Variants in MIER1 observed in about 807,000 individuals in gnomAD.
MIER1 encodes the protein MIER1 transcriptional regulator, also known as mesoderm induction early response protein 1.
A neutral mutation model predicts 75.7 loss-of-function variants in MIER1; 40 were observed. The observed-to-expected ratio is 0.53, with a 90% CI of 0.41 to 0.69. MIER1 has a LOEUF of 0.69. MIER1 is among the 30% of genes least tolerant of loss of function. MIER1 has a pLI of 0.00. For synonymous variants in MIER1, 213 were observed against 223.4 expected (o/e 0.95, Z 0.42); for missense variants, 574 against 680.2 (o/e 0.84, Z 1.74).
chr1:66,949,263 TTA>T (rs1658374914), intron 4 of MIER1, among the ~76,000 whole-genome samples: 4 of 152,166 alleles, frequency 2.6e-5, no homozygotes, highest in Non-Finnish European at 5.9e-5. Context: ...TATGAGTTAG[TTA>T]TTTTTTTTCT....
rs1469975759 is a variant in MIER1 at position 66,988,043 on chromosome 1, A to G, written c.*3143A>G. 1 of 152,304 alleles carries G rather than the reference A, an allele frequency of 6.6e-6. No homozygotes were observed. The highest frequency in any genetic ancestry group is 2.4e-5 in the African/African-American group (1 of 41,452). 9.4% of individuals were successfully genotyped at this position (152,304 alleles called of 1,614,324 possible). On this transcript the variant is annotated 3_prime_UTR_variant, in exon 14 of 14. Transcript: ENST00000401041. ...GTTTTGTCACAATATTTTCTTTGCT[A>G]TCGATGGATAATTAGGAGTGGGCAC...
chr1:66,950,418 T>C (rs2985828), intron 4 of MIER1, among the ~76,000 whole-genome samples: 144,729 of 152,298 alleles, frequency 0.95, 68,867 homozygotes, highest in East Asian at 1. Context: ...CATAGATACA[T>C]TTTTGTTTGC....
chr1:66,944,984 G>T (rs1291909858), intron 3 of MIER1, among the ~76,000 whole-genome samples: 2 of 151,898 alleles, frequency 1.3e-5, no homozygotes, highest in Non-Finnish European at 2.9e-5. Flanking sequence ...TCTTGGCCTC[G>T]TGAAGTGCTG....
In MIER1 at chr1:66,970,858, G is replaced by A; in HGVS notation, c.823G>A (p.Asp275Asn). 6.3e-7 allele frequency: 1 copy of A among 1,596,720 alleles called. No individual in the cohort carries two copies. The highest frequency in any genetic ancestry group is 8.5e-7 in the Non-Finnish European group (1 of 1,174,394). ...GTGGGACCCTGAGTACTTACCAGAA[G>A]ATAAAGTGATTATATTTCTTAAAGA... is the stretch of plus-strand genomic sequence containing the variant. The part of the protein sequence containing the change: ...LLWDPEYLPE[D>N]KVIIFLKDAS... The change falls in exon 9 of 14, where the codon GAT becomes AAT. Residue 275 changes from aspartate to asparagine, a missense_variant. Physicochemically the swap from Asp to Asn is conservative, Grantham distance 23. Around this residue, in one of 3 missense-constraint regions of MIER1, gnomAD observed 309 missense variants for 352.8 expected, o/e 0.88. Coordinates refer to ENST00000401041, the MANE Select transcript of MIER1 (RefSeq NM_001077700.3).
intron 4 of MIER1, among the ~76,000 whole-genome samples, chr1:66,950,738 C>A (rs1387414425): frequency 6.6e-6 from 1 of 151,568 alleles, no homozygotes; most frequent in Non-Finnish European, 1.5e-5. Context: ...AAAGAAATCT[C>A]AGTGTGAGGA....
chr1:66,940,009 TC>T lies in MIER1; in HGVS notation c.169-18del. On this transcript the variant is annotated intron_variant, in intron 2 of 13. Coordinates refer to ENST00000401041, the MANE Select transcript of MIER1 (RefSeq NM_001077700.3). ...ATTATACAGAAATACTAATTTTTCC[TC>T]TTTTCTCCCCTTCTCAGCCATCTGT... The T allele has an allele frequency of 6.3e-7, 1 of 1,596,544 alleles. No homozygotes were observed. Among genetic ancestry groups the T allele is most frequent in the South Asian group, 1.1e-5 (1 of 90,418 alleles).
At position 66,946,157 on chromosome 1, in the gene MIER1, A is replaced by G; in HGVS notation, c.201A>G (p.Ser67=). 6.2e-7 allele frequency: 1 copy of G among 1,606,734 alleles called. No homozygotes were observed. Among genetic ancestry groups the G allele is most frequent in the Non-Finnish European group, 8.5e-7 (1 of 1,178,310 alleles). ...PSVESSSPGG[S]ATSDDHEFDP... is the part of the protein sequence containing the mutation. ...TGAAATATTCCTTACCAGGAGGTTC[A>G]GCAACATCAGATGACCATGAATTTG... is the stretch of plus-strand genomic sequence containing the variant. The change falls in exon 4 of 14, where the codon TCA becomes TCG. Residue 67 remains serine, a synonymous_variant. Coordinates refer to ENST00000401041, the MANE Select transcript of MIER1 (RefSeq NM_001077700.3).
At chr1:66,982,129 C>T (rs1666018306) in intron 13 of MIER1, among the ~76,000 whole-genome samples, 1 of 152,208 alleles carries the variant, frequency 6.6e-6, no homozygotes, top group Admixed American at 6.5e-5. Context: ...ATAAAGCCTA[C>T]TGTCAACAGT....
chr1:66,960,226 T>C (rs144237586), intron 7 of MIER1: 30 of 152,304 alleles, frequency 2.0e-4, no homozygotes, highest in African/African-American at 7.0e-4. Context: ...AAATTTTGTT[T>C]AGTAGTTCAT....
intron 2 of MIER1, among the ~76,000 whole-genome samples, chr1:66,939,094 T>C (rs1371680591): frequency 6.6e-6 from 1 of 152,174 alleles, no homozygotes; most frequent in Non-Finnish European, 1.5e-5. Context: ...GCTTTTGGCC[T>C]CCCACCATCT....
At chr1:66,981,688 A>G (rs1665916091) in intron 12 of MIER1, 91 bp from the exon 13 acceptor site, 1 of 938,758 alleles carries the variant, frequency 1.1e-6, no homozygotes, top group Admixed American at 2.3e-5. Context: ...ATATTAGGAT[A>G]TATTTGTTAA....
At chr1:66,931,100 T>C (rs1192987770) in intron 2 of MIER1, among the ~76,000 whole-genome samples, 1 of 148,320 alleles carries the variant, frequency 6.7e-6, no homozygotes, top group Non-Finnish European at 1.5e-5. Context: ...TATTCTTGTC[T>C]TCTTTCTCTT....
At chr1:66,935,098 G>A (rs1654452412) in intron 2 of MIER1, among the ~76,000 whole-genome samples, 1 of 152,136 alleles carries the variant, frequency 6.6e-6, no homozygotes, top group Non-Finnish European at 1.5e-5. Context: ...ATTACTTCAT[G>A]TTTTTACTAT....
At chr1:66,938,668 T>G (rs919223427) in intron 2 of MIER1, among the ~76,000 whole-genome samples, 5 of 152,138 alleles carry the variant, frequency 3.3e-5, no homozygotes, top group Non-Finnish European at 7.4e-5. Flanking sequence ...AAGCTTCCCA[T>G]TAGAGGAATG....
rs1443914800 is a variant in MIER1, at chr1:66,987,213, C to T, written c.*2313C>T. ...TTTGTGTTTATACAGGTATTTCACA[C>T]AATAATTTGTTCTTAATGCAGCCAC... On this transcript the variant is annotated 3_prime_UTR_variant, in exon 14 of 14. Coordinates refer to ENST00000401041, the MANE Select transcript of MIER1 (RefSeq NM_001077700.3). 1 of 152,666 alleles carries T rather than the reference C, an allele frequency of 6.6e-6. No individual in the cohort carries two copies. The highest frequency in any genetic ancestry group is 1.5e-5 in the Non-Finnish European group (1 of 67,974). 9.5% of individuals were successfully genotyped at this position (152,666 alleles called of 1,614,324 possible). A position where few individuals can be genotyped will look rare whatever the true frequency, so the allele number is the denominator to read the frequency against.
chr1:66,930,450 C>T (rs1284534567), intron 2 of MIER1: 3 of 1,593,102 alleles, frequency 1.9e-6, no homozygotes, highest in African/African-American at 1.4e-5. Flanking sequence ...CGCCCCCGGC[C>T]CTGGGCCGGG....
intron 11 of MIER1, among the ~76,000 whole-genome samples, chr1:66,976,282 G>T (rs891966856): frequency 6.6e-6 from 1 of 152,104 alleles, no homozygotes; most frequent in African/African-American, 2.4e-5. Context: ...GATTACAGGC[G>T]TGAGCCACCG....
chr1:66,943,751 G>A (rs1165424268), intron 3 of MIER1, among the ~76,000 whole-genome samples: 1 of 152,102 alleles, frequency 6.6e-6, no homozygotes, highest in African/African-American at 2.4e-5. Context: ...CTTCTGAAAG[G>A]GCACAATGAT....
Position 66,985,235 on chromosome 1 carries a change from A to C in MIER1, c.*335A>C. On this transcript the variant is annotated 3_prime_UTR_variant, in exon 14 of 14. Transcript: ENST00000401041. ...AGATGTATCTGTACCTTCTCATTTG[A>C]TGTATTAATCATAAAATTTCACTAC... The C allele has an allele frequency of 1.0e-6, 1 of 969,716 alleles. No individual in the cohort carries two copies. The highest frequency in any genetic ancestry group is 1.2e-6 in the Non-Finnish European group (1 of 814,352). The allele number at this position is 969,716 out of a possible 1,614,324, so 60.1% of individuals were successfully genotyped here. A position where few individuals can be genotyped will look rare whatever the true frequency, so the allele number is the denominator to read the frequency against.
Sources: allele counts gnomAD v4.1 joint callset (sites outside exome capture counted in the v4.1 genomes callset), GRCh38; gene constraint gnomAD v4.1.1; regional missense constraint gnomAD v4.1.1; transcripts MANE v1.5; gene names NCBI Gene and HGNC (gene_info 2026-07-23, HGNC 2026-07-21).